Variants in ELFN1 observed in about 807,000 individuals in gnomAD.
ELFN1 encodes extracellular leucine rich repeat and fibronectin type III domain containing 1.
Under a neutral mutation model 7.6 loss-of-function variants are expected in ELFN1, and 6 were observed. The observed-to-expected ratio is 0.79, with a 90% CI of 0.43 to 1.56. ELFN1 has a LOEUF of 1.56. Ranked by LOEUF, ELFN1 falls within the 40% of genes most tolerant of loss-of-function variation. The probability of loss-of-function intolerance (pLI) is 0.01; values close to 1 mark genes in which losing one functional copy is unlikely to be tolerated. For missense variants in ELFN1, 1,169 were observed against 1,232.2 expected, an observed-to-expected ratio of 0.95 and a Z score of 0.77; for synonymous variants, 657 against 588.1, an observed-to-expected ratio of 1.12 and a Z score of -1.70.
At chr7:1,666,853 C>A (rs1176543669), upstream of ELFN1, among the ~76,000 whole-genome samples, 1 of 151,928 alleles carries the variant, frequency 6.6e-6, no homozygotes, top group Admixed American at 6.5e-5. This position sits in a 1 kb window ranked among gnomAD's most constrained non-coding sequence, Gnocchi z 7.9. Flanking sequence ...TGTTACGGGA[C>A]CCCCGCCCCC....
At chr7:1,713,402 C>T (rs1170987168) in intron 3 of ELFN1, among the ~76,000 whole-genome samples, 1 of 152,160 alleles carries the variant, frequency 6.6e-6, no homozygotes, top group African/African-American at 2.4e-5. Flanking sequence ...GGGTGGGACG[C>T]ATTGTTTCCG....
chr7:1,713,977 C>G (rs1779748674), intron 3 of ELFN1, among the ~76,000 whole-genome samples: 2 of 152,172 alleles, frequency 1.3e-5, no homozygotes, highest in Non-Finnish European at 2.9e-5. Flanking sequence ...CAGAGATCAG[C>G]TGGCGGCTGC....
intron 2 of ELFN1, chr7:1,693,401 TGAGTAG>T (rs753044763): frequency 1.7e-5 from 8 of 471,028 alleles, no homozygotes; most frequent in Non-Finnish European, 2.6e-5. Context: ...CTGGTGTGCC[TGAGTAG>T]GTATGTGCAC....
intron 1 of ELFN1, among the ~76,000 whole-genome samples, chr7:1,671,612 G>T (rs1030950193): frequency 6.6e-6 from 1 of 152,222 alleles, no homozygotes; most frequent in African/African-American, 2.4e-5. Flanking sequence ...CTCCAAAGAG[G>T]TCCAGCTTGC....
chr7:1,712,304 T>C (rs754503283), intron 3 of ELFN1, among the ~76,000 whole-genome samples: 54 of 152,172 alleles, frequency 3.5e-4, no homozygotes, highest in Non-Finnish European at 6.8e-4. Context: ...GTATTTTTAG[T>C]AGAGACGGGG....
At position 1,745,094 on chromosome 7, in the gene ELFN1, C is replaced by T. The variant is rs762912355; in HGVS notation, c.498C>T (p.Asn166=). ...PNIVNIDLSM[N]RIQQLNSGTF... is the part of the protein sequence containing the mutation. ...TCGTCAACATCGACCTGTCCATGAA[C>T]CGCATCCAGCAGCTCAACAGCGGCA... The change falls in exon 4 of 4, where the codon AAC becomes AAT. Residue 166 remains asparagine, a synonymous_variant. Transcript: ENST00000424383. The T allele has an allele frequency of 2.1e-5, 33 of 1,551,120 alleles. No individual in the cohort carries two copies. The highest frequency in any genetic ancestry group is 2.8e-5 in the Non-Finnish European group (32 of 1,146,990).
Position 1,745,387 on chromosome 7 carries a change from G to C in ELFN1, c.791G>C (p.Arg264Pro). The change falls in exon 4 of 4, where the codon CGT (arginine) becomes CCT (proline). Residue 264 changes from arginine (R) to proline (P), a missense_variant. Around this residue, in one of 2 missense-constraint regions of ELFN1, gnomAD observed 914 missense variants for 872.6 expected, o/e 1.05. Transcript: ENST00000424383. ...GCGGCTGAGGTGGTCGGGCCCCCAC[G>C]TCCAGCATCCGGGCGCTCACAGCCG... is the stretch of plus-strand genomic sequence containing the variant. The part of the protein sequence containing the change: ...SYAAEVVGPP[R>P]PASGRSQPGR... 1.3e-6 allele frequency: 2 copies of C among 1,538,902 alleles called. No individual in the cohort carries two copies. Among genetic ancestry groups the C allele is most frequent in the Non-Finnish European group, 1.7e-6 (2 of 1,145,802 alleles).
intron 2 of ELFN1, chr7:1,693,496 C>T (rs928198843): frequency 2.5e-5 from 12 of 471,054 alleles, no homozygotes; most frequent in African/African-American, 8.0e-5. Context: ...ACAGAGTATA[C>T]GATGTGTGGT....
At chr7:1,697,776 A>C (rs1779349041) in intron 2 of ELFN1, among the ~76,000 whole-genome samples, 1 of 152,122 alleles carries the variant, frequency 6.6e-6, no homozygotes, top group African/African-American at 2.4e-5. Context: ...CAGATTTTTA[A>C]AAATTGTTTA....
chr7:1,672,696 C>G (rs1318672609), intron 1 of ELFN1, among the ~76,000 whole-genome samples: 2 of 151,986 alleles, frequency 1.3e-5, no homozygotes, highest in African/African-American at 4.8e-5. Flanking sequence ...TTCTAAGGTC[C>G]CCCTGAGGTC....
At chr7:1,703,792 G>T (rs1010017589) in intron 2 of ELFN1, among the ~76,000 whole-genome samples, 1 of 152,214 alleles carries the variant, frequency 6.6e-6, no homozygotes, top group African/African-American at 2.4e-5. Flanking sequence ...ACTCTCGGCC[G>T]AGTTTAGCTA....
intron 2 of ELFN1, among the ~76,000 whole-genome samples, chr7:1,689,835 C>G (rs1779123869): frequency 6.6e-6 from 1 of 152,132 alleles, no homozygotes; most frequent in South Asian, 2.1e-4. Flanking sequence ...GGTTCTTTAG[C>G]TTTTGGTTGT....
chr7:1,702,070 T>C (rs1765060232), intron 2 of ELFN1, among the ~76,000 whole-genome samples: 1 of 152,144 alleles, frequency 6.6e-6, no homozygotes, highest in South Asian at 2.1e-4. Flanking sequence ...GTGTGTCTAA[T>C]CTTATAATAA....
At chr7:1,689,193 A>G (rs910999858) in intron 2 of ELFN1, among the ~76,000 whole-genome samples, 2 of 152,204 alleles carry the variant, frequency 1.3e-5, no homozygotes, top group African/African-American at 4.8e-5. Flanking sequence ...TCTGTAATTG[A>G]GTAGTGACAT....
chr7:1,685,337 G>A (rs2128578052), intron 1 of ELFN1, among the ~76,000 whole-genome samples: 1 of 152,170 alleles, frequency 6.6e-6, no homozygotes, highest in Middle Eastern at 3.4e-3. Context: ...TGAATCTGTA[G>A]ATTAATGCTT....
At chr7:1,702,363 C>T (rs927636913) in intron 2 of ELFN1, among the ~76,000 whole-genome samples, 2 of 151,604 alleles carry the variant, frequency 1.3e-5, no homozygotes, top group African/African-American at 2.4e-5. Context: ...GCGGTGGTTG[C>T]AGTGAGCCGA....
At position 1,678,500 on chromosome 7, in the gene ELFN1, T is replaced by C. The variant is rs141023295; in HGVS notation, c.-549+8146T>C. Among the ~76,000 whole-genome samples, 311 of 152,274 alleles carry C rather than the reference T, an allele frequency of 2.0e-3. 1 individual carries two copies. Among genetic ancestry groups the C allele is most frequent in the Non-Finnish European group, 3.8e-3 (260 of 68,012 alleles). On this transcript the variant is annotated intron_variant, in intron 1 of 3. Coordinates refer to ENST00000424383, the MANE Select transcript of ELFN1 (RefSeq NM_001128636.4). Reference sequence around the variant, plus strand: ...CGAGGCATGGAGTGGGGAAGTAACATGGTCCAGGCTCACGGCTCACATGTG... The same window carrying C: ...CGAGGCATGGAGTGGGGAAGTAACACGGTCCAGGCTCACGGCTCACATGTG...
In ELFN1 at chr7:1,746,663, G is replaced by A; in HGVS notation, c.2067G>A (p.Val689=). Residue 689 remains valine, a synonymous_variant, in exon 4 of 4, where the codon GTG becomes GTA. Coordinates refer to ENST00000424383, the MANE Select transcript of ELFN1 (RefSeq NM_001128636.4). ...AILTVTPAAA[V]LRAEAEKGRQ... ...TCACTGTGACACCCGCGGCCGCCGT[G>A]CTGCGGGCCGAGGCCGAGAAGGGTC... is the stretch of plus-strand genomic sequence containing the variant. The A allele has an allele frequency of 7.3e-7, 1 of 1,378,850 alleles. No homozygotes were observed. 85.4% of individuals were successfully genotyped at this position (1,378,850 alleles called of 1,614,324 possible). A position where few individuals can be genotyped will look rare whatever the true frequency, so the allele number is the denominator to read the frequency against.
chr7:1,704,239 T>G (rs1779484939), intron 2 of ELFN1, among the ~76,000 whole-genome samples: 1 of 152,038 alleles, frequency 6.6e-6, no homozygotes. Context: ...AGTGGGCTGG[T>G]GGGTGGGGCC....
Sources: gnomAD v4.1 joint callset for allele counts (sites outside exome capture counted in the v4.1 genomes callset) on GRCh38, gnomAD v4.1.1 for gene constraint, gnomAD v4.1.1 regional missense constraint, Gnocchi (gnomAD v3.1) non-coding constraint, MANE v1.5 for transcripts, NCBI Gene and HGNC (gene_info 2026-07-23, HGNC 2026-07-21) for gene names.